The following ZRANB3 variants were observed in gnomAD, a reference collection of about 807,000 sequenced individuals.
The protein encoded by ZRANB3 is DNA annealing helicase and endonuclease ZRANB3.
In ZRANB3, 125 loss-of-function variants were observed where a neutral mutation model predicts 133.8. The ratio of observed to expected loss-of-function variants is 0.93; its 90% CI spans 0.81 to 1.08. The LOEUF (loss-of-function observed/expected upper bound fraction) is 1.08. Among genes scored for constraint, ZRANB3 ranks in the 50% least tolerant of loss-of-function variants. The probability of loss-of-function intolerance (pLI) is 0.00; values close to 1 mark genes in which losing one functional copy is unlikely to be tolerated. For missense variants in ZRANB3, 1,229 were observed against 1,275.5 expected, an observed-to-expected ratio of 0.96 and a Z score of 0.56; for synonymous variants, 387 against 432.7, an observed-to-expected ratio of 0.89 and a Z score of 1.31.
intron 3 of ZRANB3, among the ~76,000 whole-genome samples, chr2:135,379,461 C>T (rs1272205889): frequency 2.0e-5 from 3 of 152,158 alleles, no homozygotes. Flanking sequence ...TGAATCACTC[C>T]AATTATTTCA....
chr2:135,454,022 A>G (rs1351996053), intron 2 of ZRANB3, among the ~76,000 whole-genome samples: 5 of 152,248 alleles, frequency 3.3e-5, no homozygotes, highest in Admixed American at 3.3e-4. Context: ...TTATGACAGG[A>G]GGCGAAAGCC....
At chr2:135,226,962 AAAG>A (rs1175935276) in intron 14 of ZRANB3, among the ~76,000 whole-genome samples, 2 of 152,240 alleles carry the variant, frequency 1.3e-5, no homozygotes, top group Non-Finnish European at 2.9e-5. Context: ...AGAGAAGAAG[AAAG>A]AAGGATGCCT....
chr2:135,523,817 G>A (rs936642882), intron 1 of ZRANB3, among the ~76,000 whole-genome samples: 3 of 152,128 alleles, frequency 2.0e-5, no homozygotes, highest in Admixed American at 6.5e-5. Context: ...TATTCCCTGA[G>A]CAAATAAACA....
chr2:135,308,768 A>T (rs1415395422), intron 8 of ZRANB3, among the ~76,000 whole-genome samples: 2 of 151,482 alleles, frequency 1.3e-5, no homozygotes, highest in African/African-American at 4.9e-5. Context: ...GCCTGAGTGA[A>T]CATTCATAAA....
intron 8 of ZRANB3, among the ~76,000 whole-genome samples, chr2:135,297,711 C>T (rs926575243): frequency 6.6e-6 from 1 of 152,168 alleles, no homozygotes. Flanking sequence ...ATTCAGCCAT[C>T]CTAAAAATTC....
intron 17 of ZRANB3, among the ~76,000 whole-genome samples, chr2:135,214,346 T>A (rs1424642547): frequency 6.6e-6 from 1 of 152,114 alleles, no homozygotes; most frequent in East Asian, 1.9e-4. Flanking sequence ...ACAAATCTGA[T>A]TAATCTGCTG....
intron 2 of ZRANB3, among the ~76,000 whole-genome samples, chr2:135,434,139 G>A (rs1267368171): frequency 2.6e-5 from 4 of 152,196 alleles, no homozygotes; most frequent in African/African-American, 9.6e-5. Flanking sequence ...TCCAGCCTGG[G>A]CAACAGAGCG....
At chr2:135,403,203 G>C (rs1687824156) in intron 2 of ZRANB3, among the ~76,000 whole-genome samples, 1 of 152,184 alleles carries the variant, frequency 6.6e-6, no homozygotes, top group Non-Finnish European at 1.5e-5. Flanking sequence ...CCCTTTTCTA[G>C]TCAAACAAAG....
chr2:135,520,819 T>G (rs913399891), intron 1 of ZRANB3, among the ~76,000 whole-genome samples: 1 of 152,074 alleles, frequency 6.6e-6, no homozygotes, highest in Non-Finnish European at 1.5e-5. Flanking sequence ...TTTTTAATTT[T>G]TGTTGTGATA....
intron 2 of ZRANB3, among the ~76,000 whole-genome samples, chr2:135,422,519 C>T (rs903779411): frequency 4.6e-5 from 7 of 151,896 alleles, no homozygotes; most frequent in African/African-American, 1.7e-4. Flanking sequence ...GGGGCATAAA[C>T]CCACAGGACA....
intron 2 of ZRANB3, among the ~76,000 whole-genome samples, chr2:135,397,699 G>T (rs1044948158): frequency 6.6e-6 from 1 of 152,070 alleles, no homozygotes; most frequent in Admixed American, 6.5e-5. Context: ...GTTTCCATTG[G>T]TAACTGTGAA....
At chr2:135,367,551 C>A (rs1685995159) in intron 3 of ZRANB3, among the ~76,000 whole-genome samples, 1 of 151,988 alleles carries the variant, frequency 6.6e-6, no homozygotes, top group African/African-American at 2.4e-5. Flanking sequence ...AACCAAAAAT[C>A]ACAAATCTGG....
chr2:135,388,236 C>T (rs1687069441), intron 3 of ZRANB3, among the ~76,000 whole-genome samples: 1 of 152,170 alleles, frequency 6.6e-6, no homozygotes, highest in South Asian at 2.1e-4. Context: ...GGGAGAGACC[C>T]ACCCCCATGA....
intron 2 of ZRANB3, among the ~76,000 whole-genome samples, chr2:135,472,679 T>C (rs1574156477): frequency 6.6e-6 from 1 of 152,108 alleles, no homozygotes; most frequent in African/African-American, 2.4e-5. Flanking sequence ...AATATTCTCA[T>C]GGAAGGCAGA....
intron 8 of ZRANB3, among the ~76,000 whole-genome samples, chr2:135,297,440 G>T (rs1227955184): frequency 6.6e-6 from 1 of 152,124 alleles, no homozygotes; most frequent in Non-Finnish European, 1.5e-5. Context: ...GCAGTATTAG[G>T]GTGGGAGTGA....
chr2:135,468,403 C>T (rs986024979), intron 2 of ZRANB3, among the ~76,000 whole-genome samples: 1 of 152,134 alleles, frequency 6.6e-6, no homozygotes, highest in Non-Finnish European at 1.5e-5. Flanking sequence ...AGAAGCATTC[C>T]AAGATGAACT....
intron 2 of ZRANB3, among the ~76,000 whole-genome samples, chr2:135,456,405 A>G (rs1396532423): frequency 1.3e-5 from 2 of 152,224 alleles, no homozygotes; most frequent in Admixed American, 1.3e-4. Flanking sequence ...ACATGGCCTT[A>G]CATTACCTGT....
chr2:135,472,224 G>A (rs1691299325), intron 2 of ZRANB3, among the ~76,000 whole-genome samples: 1 of 152,100 alleles, frequency 6.6e-6, no homozygotes, highest in South Asian at 2.1e-4. Context: ...GATGTGGCCG[G>A]GCACGGTGGC....
intron 1 of ZRANB3, among the ~76,000 whole-genome samples, chr2:135,530,184 T>C (rs1186664015): frequency 7.1e-6 from 1 of 141,286 alleles, no homozygotes; most frequent in East Asian, 2.1e-4. Flanking sequence ...CACTCCAGCC[T>C]GGGGACAGAG....
Sources: gnomAD v4.1 joint callset for allele counts (sites outside exome capture counted in the v4.1 genomes callset) on GRCh38, gnomAD v4.1.1 for gene constraint, MANE v1.5 for transcripts, NCBI Gene and HGNC (gene_info 2026-07-23, HGNC 2026-07-21) for gene names.